ZNF653: variants seen among roughly 807,000 people sequenced by gnomAD.
ZNF653 encodes the protein zinc finger protein 653, also known as 67 kDa zinc finger protein.
ZNF653 carries 37 observed loss-of-function variants against 59.9 expected under a neutral mutation model. That is an observed-to-expected ratio of 0.62 (90% confidence interval 0.48 to 0.81). ZNF653 has a LOEUF of 0.81. ZNF653 is among the 40% of genes least tolerant of loss of function. The probability of loss-of-function intolerance (pLI) is 0.00; values close to 1 mark genes in which losing one functional copy is unlikely to be tolerated. For missense variants in ZNF653, 808 were observed against 881.1 expected, an observed-to-expected ratio of 0.92 and a Z score of 1.05; for synonymous variants, 435 against 371.8, an observed-to-expected ratio of 1.17 and a Z score of -1.96.
rs377041183 is a variant in ZNF653, at chr19:11,492,839, G to A, written c.559+3111C>T. ...TGGCTCACTGCAGCCTCTGCCTCCC[G>A]GGTTCAAGTGATTCTGATGCTTCTG... is the stretch of plus-strand genomic sequence containing the variant. On this transcript the variant is annotated intron_variant, in intron 3 of 8. Transcript: ENST00000293771. Among the ~76,000 whole-genome samples, 53 of 152,198 alleles carry A rather than the reference G, an allele frequency of 3.5e-4. No homozygotes were observed. The South Asian group carries it at 9.1e-3, about 26-fold the overall frequency.
At chr19:11,500,882 T>C (rs533192385) in intron 1 of ZNF653, 1 of 152,416 alleles carries the variant, frequency 6.6e-6, no homozygotes, top group African/African-American at 2.4e-5. Flanking sequence ...CAAGGTCATA[T>C]GTAACCTGGT....
rs569325764 is a variant in ZNF653 at position 11,485,150 on chromosome 19, C to T, written c.1570+506G>A. The stretch of plus-strand genomic sequence containing the variant: ...CTCTGGCCCTCAGGGCATGCCCTAT[C>T]GCTGGACACAGGCACCATGGCTCTC... On this transcript the variant is annotated intron_variant, in intron 7 of 8. Transcript: ENST00000293771. Among the ~76,000 whole-genome samples the T allele has an allele frequency of 2.6e-5, 4 of 152,104 alleles. No individual in the cohort carries two copies. In the South Asian group the frequency reaches 6.2e-4, roughly 24 times the overall value.
chr19:11,496,201 C>T, intron 2 of ZNF653, 36 bp from the exon 3 acceptor site: 1 of 1,600,446 alleles, frequency 6.2e-7, no homozygotes, highest in Non-Finnish European at 8.5e-7. Flanking sequence ...GTATAAGGGA[C>T]AGGGCTCAGC....
At position 11,504,080 on chromosome 19, in the gene ZNF653, G is replaced by A. The variant is rs544288762; in HGVS notation, c.299+1408C>T. Reference sequence around the variant, plus strand: ...TGATCATGCCACTGCATTCCACTCTGGGCGAGAGAGTGAGACCCTGTCTCA... The same window carrying A: ...TGATCATGCCACTGCATTCCACTCTAGGCGAGAGAGTGAGACCCTGTCTCA... On this transcript the variant is annotated intron_variant, in intron 1 of 8. Coordinates refer to ENST00000293771, the MANE Select transcript of ZNF653 (RefSeq NM_138783.4). Among the ~76,000 whole-genome samples the A allele has an allele frequency of 7.2e-5, 11 of 152,220 alleles. 1 individual carries two copies. Among genetic ancestry groups the A allele is most frequent in the African/African-American group, 2.6e-4 (11 of 41,540 alleles).
chr19:11,505,681 G>A lies in ZNF653; in HGVS notation c.106C>T (p.Arg36Trp), dbSNP rs952059626. The A allele has an allele frequency of 1.3e-6, 2 of 1,487,890 alleles. No homozygotes were observed. The highest frequency in any genetic ancestry group is 8.9e-7 in the Non-Finnish European group (1 of 1,127,252). The allele number at this position is 1,487,890 out of a possible 1,614,324, so 92.2% of individuals were successfully genotyped here. The change falls in exon 1 of 9, where the codon CGG becomes TGG. Residue 36 changes from arginine (R) to tryptophan (W), a missense_variant. By Grantham distance (101) the Arg-to-Trp change is moderately radical. Coordinates refer to ENST00000293771, the MANE Select transcript of ZNF653 (RefSeq NM_138783.4). ...EGAAGRKARGRPRLTESDRAR... is the reference protein window; with the variant it reads ...EGAAGRKARGWPRLTESDRAR... ...CGGTCCGACTCCGTGAGTCGCGGCC[G>A]GCCCCGCGCCTTTCGGCCCGCTGCG...
Position 11,487,887 on chromosome 19 carries a change from C to A in ZNF653, c.576G>T (p.Val192=). ...AGCTGGATGAGTCAGAGCTGCCAGC[C>A]ACCAGCCCATTGCCCACTGTGGGGA... ...PDSDKVGNGL[V]AGSSDSSSSG... The change falls in exon 4 of 9, where the codon GTG becomes GTT. Residue 192 remains valine (V), a synonymous_variant. Transcript: ENST00000293771. This position sits in a 1 kb window ranked among gnomAD's most constrained non-coding sequence, Gnocchi z 5.1. 1 of 1,593,646 alleles carries A rather than the reference C, an allele frequency of 6.3e-7. No individual in the cohort carries two copies.
intron 3 of ZNF653, among the ~76,000 whole-genome samples, chr19:11,494,199 G>A (rs1304915943): frequency 2.6e-5 from 4 of 152,056 alleles, no homozygotes; most frequent in African/African-American, 9.7e-5. Flanking sequence ...GCTCACGCCT[G>A]TAATCCCAGC....
rs1214441065 is a variant in ZNF653, at chr19:11,495,353, G to C, written c.559+597C>G. ...GAAGGAAACAAGAGAAAGAGAGAGA[G>C]GGAGATGAGACAGAAAATGAAAGAT... On this transcript the variant is annotated intron_variant, in intron 3 of 8. Coordinates refer to ENST00000293771, the MANE Select transcript of ZNF653 (RefSeq NM_138783.4). This position sits in a 1 kb window ranked among gnomAD's most constrained non-coding sequence, Gnocchi z 4.9. 2.0e-5 allele frequency among the ~76,000 whole-genome samples: 3 copies of C among 151,998 alleles called. No individual in the cohort carries two copies. Among genetic ancestry groups the C allele is most frequent in the Admixed American group, 1.3e-4 (2 of 15,252 alleles).
At chr19:11,504,430 C>CA in intron 1 of ZNF653, 7 of 737,254 alleles carry the variant, frequency 9.5e-6, no homozygotes, top group Non-Finnish European at 1.2e-5. Context: ...GAAAAACGAA[C>CA]AAAAAAACCC....
Position 11,487,998 on chromosome 19 carries a change from A to ATTTATTTATTTTTTTT in ZNF653, c.560-96_560-95insAAAAAAAATAAATAAA, listed in dbSNP as rs556169775. Reference sequence around the variant, plus strand: ...TTTTATTTTATTTATTTATTTATTTATTTTTTTGAGACAGAGTCTCACTCT... The same window carrying ATTTATTTATTTTTTTT: ...TTTTATTTTATTTATTTATTTATTTATTTATTTATTTTTTTTTTTTTTTGAGACAGAGTCTCACTCT... On this transcript the variant is annotated intron_variant, in intron 3 of 8. Transcript: ENST00000293771. This position sits in a 1 kb window ranked among gnomAD's most constrained non-coding sequence, Gnocchi z 5.1. 2 of 1,125,302 alleles carry ATTTATTTATTTTTTTT rather than the reference A, an allele frequency of 1.8e-6. No individual in the cohort carries two copies. Among genetic ancestry groups the ATTTATTTATTTTTTTT allele is most frequent in the African/African-American group, 3.6e-5 (2 of 56,018 alleles). The allele number at this position is 1,125,302 out of a possible 1,614,324, so 69.7% of individuals were successfully genotyped here. A position where few individuals can be genotyped will look rare whatever the true frequency, so the allele number is the denominator to read the frequency against.
chr19:11,504,714 C>T (rs1189418106), intron 1 of ZNF653: 1 of 303,148 alleles, frequency 3.3e-6, no homozygotes, highest in Non-Finnish European at 4.8e-6. Context: ...TAAACGTCAT[C>T]CTCGTAAAAG....
chr19:11,488,922 CAG>C (rs1036426202), intron 3 of ZNF653, among the ~76,000 whole-genome samples: 48 of 144,530 alleles, frequency 3.3e-4, no homozygotes, highest in African/African-American at 1.2e-3. Flanking sequence ...TTTTTTGAGA[CAG>C]AGTTTCGTTC....
At chr19:11,505,391 GC>G in intron 1 of ZNF653, 96 bp downstream of exon 1, 1 of 1,265,022 alleles carries the variant, frequency 7.9e-7, no homozygotes, top group Non-Finnish European at 1.0e-6. Context: ...GTCCGCAGGT[GC>G]CGGGGGCTGG....
intron 3 of ZNF653, among the ~76,000 whole-genome samples, chr19:11,489,035 G>T (rs1971502902): frequency 6.6e-6 from 1 of 151,810 alleles, no homozygotes. Flanking sequence ...GAGTAGCTGG[G>T]ATTACAGGCG....
In ZNF653 at chr19:11,487,703, G is replaced by A. The variant is rs1173574576; in HGVS notation, c.760C>T (p.Leu254=). The change falls in exon 4 of 9, where the codon CTG becomes TTG. Residue 254 remains leucine (L), a synonymous_variant. Coordinates refer to ENST00000293771, the MANE Select transcript of ZNF653 (RefSeq NM_138783.4). This position sits in a 1 kb window ranked among gnomAD's most constrained non-coding sequence, Gnocchi z 5.1. ...CACAGCGGGGTACCCTGCTCGGCCAGGCTTTCCACGTGGTGGACGTCAAAG... is the reference window on the plus strand; with the variant it reads ...CACAGCGGGGTACCCTGCTCGGCCAAGCTTTCCACGTGGTGGACGTCAAAG... The part of the protein sequence containing the change: ...IPFDVHHVES[L]AEQGTPLCSN... The A allele has an allele frequency of 1.2e-6, 2 of 1,613,808 alleles. No individual in the cohort carries two copies. Among genetic ancestry groups the A allele is most frequent in the Non-Finnish European group, 8.5e-7 (1 of 1,179,958 alleles).
At chr19:11,504,628 A>AGAAACATGAGAACATG (rs1971687423) in intron 1 of ZNF653, 1 of 928,082 alleles carries the variant, frequency 1.1e-6, no homozygotes, top group South Asian at 4.9e-5. Flanking sequence ...CTCCCCCCAG[A>AGAAACATGAGAACATG]GAAACATGAG....
chr19:11,496,298 C>A (rs1971587779), intron 2 of ZNF653, 133 bp from the exon 3 acceptor site: 1 of 856,918 alleles, frequency 1.2e-6, no homozygotes. Context: ...AGGCCTGTAC[C>A]CAGTTTAAAG....
At chr19:11,496,285 TC>T in intron 2 of ZNF653, 120 bp from the exon 3 acceptor site, 1 of 934,810 alleles carries the variant, frequency 1.1e-6, no homozygotes, top group Non-Finnish European at 1.6e-6. Flanking sequence ...CTGAGTACCA[TC>T]CAGGCCTGTA....
chr19:11,505,837 A>C lies in ZNF653; in HGVS notation c.-51T>G. Reference sequence around the variant, plus strand: ...CCCCGTTGTTAGGAGCCAGACCGGAAGTGGCGCGCATCTTCGGCGCCGCCG... The same window carrying C: ...CCCCGTTGTTAGGAGCCAGACCGGACGTGGCGCGCATCTTCGGCGCCGCCG... On this transcript the variant is annotated 5_prime_UTR_variant, in exon 1 of 9. Coordinates refer to ENST00000293771, the MANE Select transcript of ZNF653 (RefSeq NM_138783.4). 1 of 1,281,882 alleles carries C rather than the reference A, an allele frequency of 7.8e-7. No homozygotes were observed. Among genetic ancestry groups the C allele is most frequent in the Non-Finnish European group, 1.0e-6 (1 of 989,954 alleles). The allele number at this position is 1,281,882 out of a possible 1,614,324, so 79.4% of individuals were successfully genotyped here. A position where few individuals can be genotyped will look rare whatever the true frequency, so the allele number is the denominator to read the frequency against.
Sources: allele counts gnomAD v4.1 joint callset (sites outside exome capture counted in the v4.1 genomes callset), GRCh38; gene constraint gnomAD v4.1.1; non-coding constraint Gnocchi (gnomAD v3.1); transcripts MANE v1.5; gene names NCBI Gene and HGNC (gene_info 2026-07-23, HGNC 2026-07-21).